THNSL1: variants seen among roughly 807,000 people sequenced by gnomAD.
THNSL1 encodes the protein threonine synthase-like 1.
In THNSL1, 48 loss-of-function variants were observed where a neutral mutation model predicts 50.4. The observed-to-expected ratio is 0.95, with a 90% CI of 0.76 to 1.21. The LOEUF (loss-of-function observed/expected upper bound fraction) is 1.21, where lower values mean the gene tolerates loss of function less well. THNSL1 is among the 50% of genes most tolerant of loss of function. The pLI is 0.00. For missense variants in THNSL1, 896 were observed against 871.7 expected, an observed-to-expected ratio of 1.03 and a Z score of -0.35; for synonymous variants, 309 against 306.1, an observed-to-expected ratio of 1.01 and a Z score of -0.10.
At chr10:24,969,781 A>G in the THNSL1 span, among the ~76,000 whole-genome samples, 1 of 152,242 alleles carries the variant, frequency 6.6e-6, no homozygotes, top group Non-Finnish European at 1.5e-5. Flanking sequence ...AGGAAGTCTA[A>G]AACTTTTCTA....
At chr10:24,985,065 C>G in the THNSL1 span, among the ~76,000 whole-genome samples, 1 of 152,114 alleles carries the variant, frequency 6.6e-6, no homozygotes. Context: ...CCACGGTAAC[C>G]AAAAATACTG....
chr10:24,995,609 GA>G, the THNSL1 span: 1 of 1,523,280 alleles, frequency 6.6e-7, no homozygotes, highest in Admixed American at 1.9e-5. Context: ...TAAATTATTT[GA>G]ATTTCAGCCC....
chr10:25,015,783 C>T (rs566488086), upstream of THNSL1: 1,965 of 1,265,800 alleles, frequency 1.6e-3, 3 homozygotes, highest in Non-Finnish European at 1.6e-3. Flanking sequence ...ATTAAAAATT[C>T]CAGTATATGT....
the THNSL1 span, among the ~76,000 whole-genome samples, chr10:24,956,501 CT>C: frequency 1.0e-3 from 135 of 135,192 alleles, no homozygotes; most frequent in African/African-American, 1.9e-3. Flanking sequence ...TGTTTACTTA[CT>C]TTTTTTTTTA....
chr10:25,024,782 C>G lies in THNSL1; in HGVS notation c.1559C>G (p.Ala520Gly), dbSNP rs1395751895. 5 of 1,614,010 alleles carry G rather than the reference C, an allele frequency of 3.1e-6. No individual in the cohort carries two copies. The highest frequency in any genetic ancestry group is 4.2e-6 in the Non-Finnish European group (5 of 1,180,030). The change falls in exon 3 of 3, where the codon GCC (alanine) becomes GGC (glycine). Residue 520 changes from alanine (A) to glycine (G), a missense_variant. Physicochemically the swap from Ala to Gly is moderately conservative, Grantham distance 60. Coordinates refer to ENST00000376356, the MANE Select transcript of THNSL1 (RefSeq NM_024838.5). Reference protein sequence around the residue: ...NFGNILAAVYAKMMGIPIRKF... With the variant: ...NFGNILAAVYGKMMGIPIRKF... ...GGTAACATTTTAGCAGCAGTGTATG[C>G]CAAAATGATGGGAATCCCGATTCGA...
the THNSL1 span, chr10:24,984,199 A>C: frequency 1.5e-6 from 1 of 663,302 alleles, no homozygotes; most frequent in Non-Finnish European, 2.4e-6. Context: ...AATACTGAAA[A>C]TATTTCTCAC....
At chr10:24,962,259 A>T in the THNSL1 span, among the ~76,000 whole-genome samples, 13 of 152,248 alleles carry the variant, frequency 8.5e-5, no homozygotes, top group Non-Finnish European at 1.9e-4. Context: ...AAACAAAAGT[A>T]AATTACAAGA....
At chr10:25,010,507 A>C in the THNSL1 span, among the ~76,000 whole-genome samples, 1 of 151,762 alleles carries the variant, frequency 6.6e-6, no homozygotes, top group African/African-American at 2.4e-5. Flanking sequence ...GGTTAGTTAC[A>C]TATGTATACA....
At chr10:24,984,781 T>G in the THNSL1 span, 1 of 1,613,826 alleles carries the variant, frequency 6.2e-7, no homozygotes, top group African/African-American at 1.3e-5. Flanking sequence ...TATGCCAATG[T>G]CGTGTTCTAG....
At chr10:24,971,640 T>A in the THNSL1 span, among the ~76,000 whole-genome samples, 8 of 152,148 alleles carry the variant, frequency 5.3e-5, no homozygotes, top group Non-Finnish European at 7.3e-5. Context: ...ATAAGCTGGA[T>A]TTGAGCCAGA....
chr10:25,026,489 AC>A lies in THNSL1; in HGVS notation c.*1035del, dbSNP rs1223777242. 1.8e-5 allele frequency: 3 copies of A among 166,940 alleles called. No homozygotes were observed. Among genetic ancestry groups the A allele is most frequent in the Non-Finnish European group, 2.9e-5 (2 of 68,122 alleles). The allele number at this position is 166,940 out of a possible 1,614,324, so 10.3% of individuals were successfully genotyped here. ...CCTATATTATTTGGAGTCAATTCTTACGTAATTTGTTGTTTATTTCTTCAGT... is the reference window on the plus strand; with the variant it reads ...CCTATATTATTTGGAGTCAATTCTTAGTAATTTGTTGTTTATTTCTTCAGT... On this transcript the variant is annotated 3_prime_UTR_variant, in exon 3 of 3. Coordinates refer to ENST00000376356, the MANE Select transcript of THNSL1 (RefSeq NM_024838.5).
rs936250765 is a variant in THNSL1, at chr10:25,025,197, C to G, written c.1974C>G (p.Cys658Trp). ...VVADRVQDKTCPVIISSTAHY... is the reference protein window; with the variant it reads ...VVADRVQDKTWPVIISSTAHY... ...CAGATAGGGTGCAAGACAAAACTTG[C>G]CCTGTGATTATCTCATCTACAGCCC... The change falls in exon 3 of 3, where the codon TGC (cysteine) becomes TGG (tryptophan). Residue 658 changes from cysteine (C) to tryptophan (W), a missense_variant. Coordinates refer to ENST00000376356, the MANE Select transcript of THNSL1 (RefSeq NM_024838.5). 1 of 1,614,142 alleles carries G rather than the reference C, an allele frequency of 6.2e-7. No homozygotes were observed. Among genetic ancestry groups the G allele is most frequent in the Admixed American group, 1.7e-5 (1 of 60,018 alleles).
chr10:25,003,608 AT>A, the THNSL1 span, among the ~76,000 whole-genome samples: 1 of 152,238 alleles, frequency 6.6e-6, no homozygotes, highest in East Asian at 1.9e-4. Flanking sequence ...AAATAGCTGC[AT>A]TTTACTCCAT....
Position 25,021,804 on chromosome 10 carries a change from G to GT in THNSL1, c.-152dup. On this transcript the variant is annotated 5_prime_UTR_variant, in exon 2 of 3. Coordinates refer to ENST00000376356, the MANE Select transcript of THNSL1 (RefSeq NM_024838.5). ...CAACAAACTCTTCAGATTGGTTCCG[G>GT]TGTGTCCTATGTTTACAAGTCAGTG... The GT allele has an allele frequency of 6.6e-6, 1 of 152,254 alleles. No homozygotes were observed. The highest frequency in any genetic ancestry group is 2.4e-5 in the African/African-American group (1 of 41,544). The allele number at this position is 152,254 out of a possible 1,614,324, so 9.4% of individuals were successfully genotyped here.
chr10:24,993,303 T>G, the THNSL1 span, among the ~76,000 whole-genome samples: 3 of 152,230 alleles, frequency 2.0e-5, no homozygotes, highest in Admixed American at 6.5e-5. Flanking sequence ...ATTCACTCTT[T>G]GTTCTTTTAT....
the THNSL1 span, chr10:24,981,984 G>A: frequency 6.6e-6 from 1 of 152,120 alleles, no homozygotes; most frequent in Non-Finnish European, 1.5e-5. Context: ...TAAAATACAT[G>A]TTTGGGTACG....
the THNSL1 span, chr10:24,984,175 T>C: frequency 3.9e-6 from 2 of 510,376 alleles, no homozygotes. Context: ...CCTTTCATCA[T>C]ATACAGTGTT....
At chr10:24,960,572 G>T in the THNSL1 span, among the ~76,000 whole-genome samples, 6 of 151,302 alleles carry the variant, frequency 4.0e-5, no homozygotes, top group Admixed American at 4.0e-4. Flanking sequence ...GATTACAGGC[G>T]TGCACCACTA....
At chr10:24,968,001 G>A in the THNSL1 span, among the ~76,000 whole-genome samples, 2 of 126,024 alleles carry the variant, frequency 1.6e-5, no homozygotes, top group Non-Finnish European at 1.7e-5. Flanking sequence ...TATGATGTGT[G>A]TGTGTGTGTG....
Sources: gnomAD v4.1 joint callset for allele counts (sites outside exome capture counted in the v4.1 genomes callset) on GRCh38, gnomAD v4.1.1 for gene constraint, MANE v1.5 for transcripts, NCBI Gene and HGNC (gene_info 2026-07-23, HGNC 2026-07-21) for gene names.